The following STXBP5L variants were observed in gnomAD, a reference collection of about 807,000 sequenced individuals.
The protein encoded by STXBP5L is syntaxin binding protein 5L, also known as syntaxin-binding protein 5-like.
A neutral mutation model predicts 144.5 loss-of-function variants in STXBP5L; 65 were observed. The ratio of observed to expected loss-of-function variants is 0.45; its 90% CI spans 0.37 to 0.55. STXBP5L has a LOEUF of 0.55. Ranked by LOEUF, STXBP5L falls within the 20% of genes least tolerant of loss-of-function variation. The pLI is 0.00. For synonymous variants in STXBP5L, 505 were observed against 469.6 expected, an observed-to-expected ratio of 1.08 and a Z score of -0.97; for missense variants, 1,298 against 1,405.5, an observed-to-expected ratio of 0.92 and a Z score of 1.22.
chr3:121,068,262 CCTCCCAGTG>C (rs1231880758), intron 5 of STXBP5L, among the ~76,000 whole-genome samples: 1 of 152,236 alleles, frequency 6.6e-6, no homozygotes, highest in Non-Finnish European at 1.5e-5. Context: ...CCTGCCTCGG[CCTCCCAGTG>C]CTGGGATTAC....
At chr3:121,397,798 C>G (rs993478725) in intron 22 of STXBP5L, among the ~76,000 whole-genome samples, 2 of 152,160 alleles carry the variant, frequency 1.3e-5, no homozygotes, top group South Asian at 2.1e-4. Context: ...CCAGGTTGTC[C>G]ATCGGGCCCT....
At chr3:121,124,968 G>A (rs1045003408) in intron 7 of STXBP5L, among the ~76,000 whole-genome samples, 2 of 152,048 alleles carry the variant, frequency 1.3e-5, no homozygotes, top group African/African-American at 4.8e-5. Context: ...TATGAATAGT[G>A]TCAAATTTTA....
At chr3:121,400,584 C>G (rs1255117328) in intron 22 of STXBP5L, among the ~76,000 whole-genome samples, 1 of 152,180 alleles carries the variant, frequency 6.6e-6, no homozygotes, top group African/African-American at 2.4e-5. Flanking sequence ...TAGCAGCCAT[C>G]AGACTCAAAT....
chr3:121,316,997 A>T (rs548757447), intron 19 of STXBP5L, among the ~76,000 whole-genome samples: 5 of 152,318 alleles, frequency 3.3e-5, no homozygotes, highest in African/African-American at 1.2e-4. Flanking sequence ...CTCTTATAGC[A>T]ACTCTGTGGA....
intron 3 of STXBP5L, among the ~76,000 whole-genome samples, chr3:121,005,951 T>A (rs901845941): frequency 6.6e-6 from 1 of 152,230 alleles, no homozygotes; most frequent in African/African-American, 2.4e-5. Flanking sequence ...TTACATTTGC[T>A]GAGGAGTGCT....
chr3:121,045,641 G>A, intron 5 of STXBP5L, 106 bp downstream of exon 5: 2 of 972,106 alleles, frequency 2.1e-6, no homozygotes, highest in Non-Finnish European at 3.1e-6. Context: ...TCAACAGCTA[G>A]AAATAATTTA....
intron 3 of STXBP5L, among the ~76,000 whole-genome samples, chr3:120,979,812 T>C (rs1490840629): frequency 6.6e-6 from 1 of 152,226 alleles, no homozygotes; most frequent in Non-Finnish European, 1.5e-5. Context: ...GGTGTGACTG[T>C]AGATTGTCAG....
intron 5 of STXBP5L, among the ~76,000 whole-genome samples, chr3:121,065,662 C>T (rs1180263869): frequency 6.6e-6 from 1 of 152,138 alleles, no homozygotes; most frequent in East Asian, 1.9e-4. Context: ...TCTTTTTCAG[C>T]CTCCCAAGTA....
chr3:121,218,094 T>C (rs1312093896), intron 10 of STXBP5L, among the ~76,000 whole-genome samples: 1 of 141,004 alleles, frequency 7.1e-6, no homozygotes, highest in Non-Finnish European at 1.5e-5. Context: ...TAATATATAG[T>C]ATAATATATA....
chr3:121,282,840 A>C (rs1162012452), intron 19 of STXBP5L, among the ~76,000 whole-genome samples: 2 of 152,022 alleles, frequency 1.3e-5, no homozygotes, highest in Non-Finnish European at 2.9e-5. Flanking sequence ...TAAAATATAC[A>C]AACATATTTC....
At chr3:121,376,311 C>T (rs1460397982) in intron 20 of STXBP5L, among the ~76,000 whole-genome samples, 1 of 152,172 alleles carries the variant, frequency 6.6e-6, no homozygotes, top group Non-Finnish European at 1.5e-5. Context: ...CTTATGTACC[C>T]TTCTTAACTG....
intron 2 of STXBP5L, among the ~76,000 whole-genome samples, chr3:120,921,734 C>A (rs1314160097): frequency 6.6e-6 from 1 of 151,846 alleles, no homozygotes; most frequent in Non-Finnish European, 1.5e-5. Flanking sequence ...ACTCTCCCCA[C>A]TGAATGTTCT....
intron 14 of STXBP5L, among the ~76,000 whole-genome samples, chr3:121,241,759 T>C (rs1489619896): frequency 3.9e-5 from 6 of 152,134 alleles, no homozygotes; most frequent in African/African-American, 4.8e-5. Flanking sequence ...TGAAAACTTA[T>C]CAAATTTAGC....
Position 121,237,645 on chromosome 3 carries a change from G to A in STXBP5L, c.1185-1326G>A, listed in dbSNP as rs752401854. 1.0e-3 allele frequency among the ~76,000 whole-genome samples: 153 copies of A among 152,232 alleles called. 1 individual carries two copies. The highest frequency in any genetic ancestry group is 2.6e-4 in the Non-Finnish European group (18 of 68,032). On this transcript the variant is annotated intron_variant, in intron 12 of 26. Transcript: ENST00000471454. ...GCAAATTTTTCAAATGTTAATGCTC[G>A]TGTCCCTTTTAATTATAGATTCTTC...
intron 12 of STXBP5L, among the ~76,000 whole-genome samples, chr3:121,238,501 G>T (rs1328520025): frequency 2.0e-5 from 3 of 152,068 alleles, no homozygotes; most frequent in Admixed American, 2.0e-4. Flanking sequence ...ATTTCAAGAT[G>T]AGGTTTGGAG....
At chr3:120,927,316 G>A (rs1223646453) in intron 2 of STXBP5L, among the ~76,000 whole-genome samples, 1 of 152,178 alleles carries the variant, frequency 6.6e-6, no homozygotes, top group Non-Finnish European at 1.5e-5. Context: ...CAGACCTGAT[G>A]GATGAACTTC....
intron 20 of STXBP5L, among the ~76,000 whole-genome samples, chr3:121,352,345 C>G (rs1371102210): frequency 6.6e-6 from 1 of 152,018 alleles, no homozygotes; most frequent in Non-Finnish European, 1.5e-5. Context: ...TTGATTGTGT[C>G]TTCTTTATTT....
At chr3:121,332,203 G>T (rs1473758105) in intron 20 of STXBP5L, among the ~76,000 whole-genome samples, 1 of 151,504 alleles carries the variant, frequency 6.6e-6, no homozygotes, top group African/African-American at 2.4e-5. Flanking sequence ...AGATACTGTA[G>T]TACCCCCAAA....
At position 120,989,248 on chromosome 3, in the gene STXBP5L, C is replaced by G. The variant is rs529018766; in HGVS notation, c.287+34211C>G. 1.8e-4 allele frequency among the ~76,000 whole-genome samples: 27 copies of G among 152,250 alleles called. No homozygotes were observed. The East Asian group carries it at 5.0e-3, about 28-fold the overall frequency. On this transcript the variant is annotated intron_variant, in intron 3 of 26. Coordinates refer to ENST00000471454, the MANE Select transcript of STXBP5L (RefSeq NM_001308330.2). ...GAAGTTGTGCAAATTTACATTCCAA[C>G]AAGCAATGTATAATTGTTCCCTTTT...
Sources: gnomAD v4.1 joint callset for allele counts (sites outside exome capture counted in the v4.1 genomes callset) on GRCh38, gnomAD v4.1.1 for gene constraint, MANE v1.5 for transcripts, NCBI Gene and HGNC (gene_info 2026-07-23, HGNC 2026-07-21) for gene names.